The following MON2 variants were observed in gnomAD, a reference collection of about 807,000 sequenced individuals.
MON2 encodes the protein protein MON2 homolog.
Under a neutral mutation model 208.6 loss-of-function variants are expected in MON2, and 84 were observed. The observed-to-expected ratio is 0.40, with a 90% confidence interval of 0.34 to 0.48. The LOEUF (loss-of-function observed/expected upper bound fraction) is 0.48, where lower values mean the gene tolerates loss of function less well. Ranked by LOEUF, MON2 falls within the 20% of genes least tolerant of loss-of-function variation. The pLI is 0.59. For missense variants in MON2, 1,611 were observed against 2,015.4 expected (o/e 0.80, Z 3.84); for synonymous variants, 660 against 694.0 (o/e 0.95, Z 0.77).
intron 29 of MON2, among the ~76,000 whole-genome samples, chr12:62,566,936 G>C (rs1019185020): frequency 1.3e-5 from 2 of 152,082 alleles, no homozygotes; most frequent in African/African-American, 4.8e-5. Flanking sequence ...CCCAGTGAGG[G>C]GGTTTCTTAG....
At chr12:62,587,864 G>C in intron 33 of MON2, 1 of 386,404 alleles carries the variant, frequency 2.6e-6, no homozygotes, top group Non-Finnish European at 4.6e-6. Context: ...GTCATGGCAA[G>C]AATAACTACA....
At position 62,598,582 on chromosome 12, in the gene MON2, G is replaced by T. The variant is rs12368038; in HGVS notation, c.*5833G>T. ...ATTTAACACGTAACATACAACTCCT[G>T]TCTCTTAAGGCAGCTACCATATGGT... On this transcript the variant is annotated 3_prime_UTR_variant, in exon 35 of 35. Transcript: ENST00000393630. 1 of 152,064 alleles carries T rather than the reference G, an allele frequency of 6.6e-6. No homozygotes were observed. Among genetic ancestry groups the T allele is most frequent in the Admixed American group, 6.5e-5 (1 of 15,268 alleles). The allele number at this position is 152,064 out of a possible 1,614,324, so 9.4% of individuals were successfully genotyped here. A position where few individuals can be genotyped will look rare whatever the true frequency, so the allele number is the denominator to read the frequency against.
chr12:62,565,858 A>C (rs1348353473), intron 27 of MON2, 156 bp from the exon 28 acceptor site: 2 of 637,794 alleles, frequency 3.1e-6, no homozygotes, highest in East Asian at 2.9e-5. Context: ...TAGTTGGCAA[A>C]TTTTAACTTT....
intron 32 of MON2, among the ~76,000 whole-genome samples, chr12:62,583,800 A>T (rs1399869591): frequency 6.6e-6 from 1 of 151,056 alleles, no homozygotes; most frequent in Non-Finnish European, 1.5e-5. Flanking sequence ...AAAAAAAAAA[A>T]AATACAAAAA....
chr12:62,499,621 C>T (rs1351197052), intron 5 of MON2, among the ~76,000 whole-genome samples: 2 of 152,132 alleles, frequency 1.3e-5, no homozygotes, highest in South Asian at 2.1e-4. Context: ...TGCCTGTAAT[C>T]GTAGCATTTT....
At chr12:62,495,687 C>A (rs1208188941) in intron 4 of MON2, among the ~76,000 whole-genome samples, 5 of 65,760 alleles carry the variant, frequency 7.6e-5, no homozygotes, top group Non-Finnish European at 1.4e-4. Context: ...GAGACTCCGT[C>A]TCAAAAAAAA....
chr12:62,589,313 T>C (rs2136504561), intron 34 of MON2, among the ~76,000 whole-genome samples: 1 of 152,316 alleles, frequency 6.6e-6, no homozygotes, highest in South Asian at 2.1e-4. Flanking sequence ...TTGTAGCAGA[T>C]TGGCACCTTA....
intron 29 of MON2, 23 bp from the exon 30 acceptor site, chr12:62,571,369 T>C (rs2270732): frequency 0.23 from 335,791 of 1,483,234 alleles, 40,651 homozygotes; most frequent in Middle Eastern, 0.33. Flanking sequence ...TTAATGCTTA[T>C]ATTAAACTGT....
rs2071203595 is a variant in MON2 at position 62,508,227 on chromosome 12, G to T, written c.790-59G>T. The T allele has an allele frequency of 4.5e-6, 6 of 1,339,928 alleles. No homozygotes were observed. In the South Asian group the frequency reaches 7.9e-5, roughly 18 times the overall value. The allele number at this position is 1,339,928 out of a possible 1,614,324, so 83.0% of individuals were successfully genotyped here. A position where few individuals can be genotyped will look rare whatever the true frequency, so the allele number is the denominator to read the frequency against. On this transcript the variant is annotated intron_variant, in intron 7 of 34. Coordinates refer to ENST00000393630, the MANE Select transcript of MON2 (RefSeq NM_015026.3). ...GTTTCCTAGTGAGACTGTGTTTTTGGAAGTATTAAGTACAAATAAAGTTAA... is the reference window on the plus strand; with the variant it reads ...GTTTCCTAGTGAGACTGTGTTTTTGTAAGTATTAAGTACAAATAAAGTTAA...
chr12:62,522,090 G>A (rs1053113779), intron 8 of MON2, among the ~76,000 whole-genome samples: 2 of 150,612 alleles, frequency 1.3e-5, no homozygotes, highest in Non-Finnish European at 2.9e-5. Context: ...AGGAGGCTAA[G>A]GCACAAGAAT....
Position 62,510,343 on chromosome 12 carries a change from A to G in MON2, c.984+1863A>G, listed in dbSNP as rs1219515367. Reference sequence around the variant, plus strand: ...ACAAAAATACTACAAGGAAAAAAAAACAGATCAAGCTCCCTGATAAATATT... The same window carrying G: ...ACAAAAATACTACAAGGAAAAAAAAGCAGATCAAGCTCCCTGATAAATATT... On this transcript the variant is annotated intron_variant, in intron 8 of 34. Coordinates refer to ENST00000393630, the MANE Select transcript of MON2 (RefSeq NM_015026.3). Among the ~76,000 whole-genome samples, 4 of 152,128 alleles carry G rather than the reference A, an allele frequency of 2.6e-5. No individual in the cohort carries two copies. In the East Asian group the frequency reaches 5.8e-4, roughly 22 times the overall value.
intron 26 of MON2, among the ~76,000 whole-genome samples, chr12:62,563,607 A>G (rs2074272626): frequency 1.3e-5 from 2 of 152,132 alleles, no homozygotes; most frequent in African/African-American, 4.8e-5. Flanking sequence ...AGAAAAGCCC[A>G]TAAAAACTTT....
chr12:62,506,447 A>T (rs189994482), intron 7 of MON2, among the ~76,000 whole-genome samples: 2 of 152,224 alleles, frequency 1.3e-5, no homozygotes, highest in African/African-American at 4.8e-5. Flanking sequence ...CTGATTTTTT[A>T]AAACATACGT....
intron 28 of MON2, 30 bp from the exon 29 acceptor site, chr12:62,566,284 GTTTATTTT>G: frequency 6.3e-7 from 1 of 1,588,526 alleles, no homozygotes; most frequent in Non-Finnish European, 8.6e-7. Context: ...TTTAATCTCA[GTTTATTTT>G]TAACTGCATG....
chr12:62,472,987 A>AT (rs77866505), intron 1 of MON2, among the ~76,000 whole-genome samples: 14,644 of 152,270 alleles, frequency 0.096, 986 homozygotes, highest in East Asian at 0.27. Flanking sequence ...ATATTTCAAA[A>AT]TTTGATTTAT....
At chr12:62,557,193 G>A (rs2073999767) in intron 25 of MON2, among the ~76,000 whole-genome samples, 1 of 152,182 alleles carries the variant, frequency 6.6e-6, no homozygotes, top group Non-Finnish European at 1.5e-5. Flanking sequence ...AGATCACAAA[G>A]TGCATGTCTT....
chr12:62,492,098 A>G (rs1269309573), intron 2 of MON2, among the ~76,000 whole-genome samples: 1 of 152,216 alleles, frequency 6.6e-6, no homozygotes, highest in Non-Finnish European at 1.5e-5. Flanking sequence ...GCTGTGCTAA[A>G]TCAGTAATTT....
intron 24 of MON2, among the ~76,000 whole-genome samples, chr12:62,555,355 T>G (rs956956518): frequency 6.0e-5 from 9 of 150,690 alleles, no homozygotes; most frequent in South Asian, 2.1e-4. Flanking sequence ...AATTTTGGGT[T>G]TTTTTTTTGG....
At chr12:62,570,293 T>C (rs1426517283) in intron 29 of MON2, among the ~76,000 whole-genome samples, 2 of 152,306 alleles carry the variant, frequency 1.3e-5, no homozygotes, top group South Asian at 4.1e-4. Flanking sequence ...TCTTAAATTA[T>C]CAGTTTTACT....
Sources: allele counts gnomAD v4.1 joint callset (sites outside exome capture counted in the v4.1 genomes callset), GRCh38; gene constraint gnomAD v4.1.1; transcripts MANE v1.5; gene names NCBI Gene and HGNC (gene_info 2026-07-23, HGNC 2026-07-21).